Variants in GMDS observed in about 807,000 individuals in gnomAD.
The protein encoded by GMDS is GDP-mannose 4,6-dehydratase.
GMDS carries 20 observed loss-of-function variants against 49.9 expected under a neutral mutation model. The observed-to-expected ratio is 0.40, with a 90% confidence interval of 0.28 to 0.58. The LOEUF (loss-of-function observed/expected upper bound fraction) is 0.58, where lower values mean the gene tolerates loss of function less well. Ranked by LOEUF, GMDS falls within the 20% of genes least tolerant of loss-of-function variation. The pLI, the probability that GMDS is intolerant of heterozygous loss-of-function variation, is 0.42. For missense variants in GMDS, 362 were observed against 481.4 expected (o/e 0.75, Z 2.32); for synonymous variants, 177 against 178.6 (o/e 0.99, Z 0.07).
chr6:1,967,705 T>G (rs780582193), intron 4 of GMDS, among the ~76,000 whole-genome samples: 4 of 152,130 alleles, frequency 2.6e-5, no homozygotes, highest in Admixed American at 2.0e-4. Context: ...TAAGGCGCAG[T>G]CAGGGCAGCC....
chr6:1,992,272 C>T (rs1765995766), intron 4 of GMDS, among the ~76,000 whole-genome samples: 1 of 152,192 alleles, frequency 6.6e-6, no homozygotes, highest in African/African-American at 2.4e-5. Flanking sequence ...CTCTCCATCT[C>T]ACCCTGTCTA....
chr6:2,074,244 T>C (rs1772185764), intron 4 of GMDS, among the ~76,000 whole-genome samples: 1 of 152,220 alleles, frequency 6.6e-6, no homozygotes, highest in South Asian at 2.1e-4. Context: ...ATCCTTGTAT[T>C]GATTTACATT....
At chr6:1,733,028 A>G (rs6929393) in intron 8 of GMDS, among the ~76,000 whole-genome samples, 137,644 of 152,260 alleles carry the variant, frequency 0.9, 62,233 homozygotes, top group East Asian at 0.99. Flanking sequence ...TCTGCCCCAG[A>G]GATGGGTATT....
At chr6:2,069,218 A>G (rs1490955877) in intron 4 of GMDS, among the ~76,000 whole-genome samples, 1 of 152,238 alleles carries the variant, frequency 6.6e-6, no homozygotes, top group Non-Finnish European at 1.5e-5. Flanking sequence ...AGCCCTATGT[A>G]GAAAGCTGAA....
chr6:2,039,277 G>C (rs187832657), intron 4 of GMDS, among the ~76,000 whole-genome samples: 1 of 152,126 alleles, frequency 6.6e-6, no homozygotes, highest in Non-Finnish European at 1.5e-5. Flanking sequence ...CTCTGGGTGA[G>C]AGTGAGTGAG....
intron 4 of GMDS, among the ~76,000 whole-genome samples, chr6:2,050,794 T>C (rs1361046813): frequency 6.6e-6 from 1 of 152,072 alleles, no homozygotes; most frequent in Non-Finnish European, 1.5e-5. Context: ...ATTATCTCAA[T>C]AGATGCAAAA....
At chr6:1,771,327 G>A (rs1487871136) in intron 7 of GMDS, among the ~76,000 whole-genome samples, 3 of 152,214 alleles carry the variant, frequency 2.0e-5, no homozygotes, top group Admixed American at 1.3e-4. Context: ...AAGAAACCAT[G>A]AGGAAGGCCT....
chr6:1,641,869 C>T (rs1763342124), intron 9 of GMDS, among the ~76,000 whole-genome samples: 1 of 152,170 alleles, frequency 6.6e-6, no homozygotes, highest in South Asian at 2.1e-4. Flanking sequence ...CTCTGACTTA[C>T]CTTCATGAAA....
At chr6:2,000,013 T>TATATA (rs1561962167) in intron 4 of GMDS, among the ~76,000 whole-genome samples, 5 of 10,200 alleles carry the variant, frequency 4.9e-4, no homozygotes, top group African/African-American at 1.2e-3. Context: ...TATATATTTT[T>TATATA]TATATATATA....
At chr6:2,220,162 A>G (rs971915986) in intron 1 of GMDS, among the ~76,000 whole-genome samples, 1 of 152,236 alleles carries the variant, frequency 6.6e-6, no homozygotes, top group Non-Finnish European at 1.5e-5. Flanking sequence ...CGGAGGAAAC[A>G]TCTTTAAAAG....
At chr6:2,223,880 G>T (rs1424510033) in intron 1 of GMDS, among the ~76,000 whole-genome samples, 4 of 152,190 alleles carry the variant, frequency 2.6e-5, no homozygotes, top group Non-Finnish European at 5.9e-5. Context: ...AGGGAAGAGT[G>T]ACTGCAGTTG....
At chr6:2,183,195 T>C (rs1296809893) in intron 1 of GMDS, among the ~76,000 whole-genome samples, 2 of 152,192 alleles carry the variant, frequency 1.3e-5, no homozygotes, top group African/African-American at 2.4e-5. Flanking sequence ...GCATTTTTCT[T>C]AGGCTATACC....
chr6:2,086,661 T>A (rs968042435), intron 4 of GMDS, among the ~76,000 whole-genome samples: 1 of 152,264 alleles, frequency 6.6e-6, no homozygotes, highest in African/African-American at 2.4e-5. Context: ...AAGTTGCTGA[T>A]AGATTTTCTT....
intron 9 of GMDS, among the ~76,000 whole-genome samples, chr6:1,704,643 G>T (rs1765661778): frequency 6.6e-6 from 1 of 152,234 alleles, no homozygotes; most frequent in Non-Finnish European, 1.5e-5. Flanking sequence ...TGCACCGGGA[G>T]TTTTGAGCAC....
chr6:2,176,454 A>C lies in GMDS; in HGVS notation c.103-51723T>G, dbSNP rs151329591. 2.6e-3 allele frequency among the ~76,000 whole-genome samples: 394 copies of C among 152,314 alleles called. 1 individual carries two copies. The highest frequency in any genetic ancestry group is 9.2e-3 in the African/African-American group (381 of 41,580). On this transcript the variant is annotated intron_variant, in intron 1 of 10. Coordinates refer to ENST00000380815, the MANE Select transcript of GMDS (RefSeq NM_001500.4). ...TGTTTCATGAAGTCGAGCAAAGATT[A>C]AAGCATGAAGTTCCTAACCCAGTGT...
chr6:1,728,621 C>T (rs973013121), intron 8 of GMDS, among the ~76,000 whole-genome samples: 2 of 152,170 alleles, frequency 1.3e-5, no homozygotes, highest in Admixed American at 6.5e-5. Context: ...CAAACACACA[C>T]ACATATTTAA....
At chr6:2,204,110 G>A (rs1393772769) in intron 1 of GMDS, among the ~76,000 whole-genome samples, 1 of 152,124 alleles carries the variant, frequency 6.6e-6, no homozygotes, top group Admixed American at 6.5e-5. Flanking sequence ...TTAGGGATAG[G>A]GTTAAGATTC....
chr6:2,073,940 T>C (rs1157535846), intron 4 of GMDS, among the ~76,000 whole-genome samples: 1 of 152,222 alleles, frequency 6.6e-6, no homozygotes, highest in African/African-American at 2.4e-5. Context: ...GATTCCATAA[T>C]TCACTTTCCT....
At chr6:1,915,063 C>G (rs1761304029) in intron 7 of GMDS, among the ~76,000 whole-genome samples, 1 of 152,344 alleles carries the variant, frequency 6.6e-6, no homozygotes, top group Non-Finnish European at 1.5e-5. Flanking sequence ...AGCACGGAGG[C>G]CTCGCATGCC....
Sources: allele counts gnomAD v4.1 joint callset (sites outside exome capture counted in the v4.1 genomes callset), GRCh38; gene constraint gnomAD v4.1.1; transcripts MANE v1.5; gene names NCBI Gene and HGNC (gene_info 2026-07-23, HGNC 2026-07-21).